Variants in EYS observed in about 807,000 individuals in gnomAD.
EYS encodes protein eyes shut homolog.
A neutral mutation model predicts 282.1 loss-of-function variants in EYS; 250 were observed. The observed-to-expected ratio is 0.89, with a 90% CI of 0.80 to 0.98. EYS has a LOEUF of 0.98. EYS is among the 50% of genes least tolerant of loss of function. EYS has a pLI of 0.00. For synonymous variants in EYS, 1,355 were observed against 1,282.9 expected, an observed-to-expected ratio of 1.06 and a Z score of -1.20; for missense variants, 4,016 against 3,709.0, an observed-to-expected ratio of 1.08 and a Z score of -2.15.
intron 23 of EYS, among the ~76,000 whole-genome samples, chr6:64,625,501 C>T (rs376070206): frequency 1.7e-4 from 26 of 152,294 alleles, no homozygotes; most frequent in Middle Eastern, 3.4e-3. Context: ...TGGCTGTGTC[C>T]TCACATTGTG....
chr6:64,772,990 C>T (rs1773569193), intron 22 of EYS, among the ~76,000 whole-genome samples: 1 of 151,632 alleles, frequency 6.6e-6, no homozygotes, highest in South Asian at 2.1e-4. Flanking sequence ...TTTTCTTTTC[C>T]ACTTTTAAAT....
chr6:65,403,666 TGAA>T (rs1766603807), intron 6 of EYS, among the ~76,000 whole-genome samples: 1 of 151,588 alleles, frequency 6.6e-6, no homozygotes, highest in Admixed American at 6.6e-5. Flanking sequence ...ATTCTTCTAA[TGAA>T]TAATAGAGAA....
At chr6:65,690,552 T>C (rs1349797907) in intron 1 of EYS, among the ~76,000 whole-genome samples, 1 of 150,262 alleles carries the variant, frequency 6.7e-6, no homozygotes, top group African/African-American at 2.4e-5. Flanking sequence ...CATCACGCGC[T>C]GTTGGCTCAT....
In EYS at chr6:63,778,056, T is replaced by G; in HGVS notation, c.7848A>C (p.Leu2616Phe). Reference protein sequence around the residue: ...VGQCHASPCSLMKCGNGGTCI... With the variant: ...VGQCHASPCSFMKCGNGGTCI... The stretch of plus-strand genomic sequence containing the variant: ...ATGTCCCACCATTGCCACATTTCAT[T>G]AAACTGCAGGGAGAAGCATGACACT... The change falls in exon 40 of 43, where the codon TTA becomes TTC. Residue 2616 changes from leucine (L) to phenylalanine (F), a missense_variant. By Grantham distance (22) the Leu-to-Phe change is conservative. Coordinates refer to ENST00000503581, the MANE Select transcript of EYS (RefSeq NM_001142800.2). 1 of 1,551,716 alleles carries G rather than the reference T, an allele frequency of 6.4e-7. No homozygotes were observed. Among genetic ancestry groups the G allele is most frequent in the Non-Finnish European group, 8.7e-7 (1 of 1,146,952 alleles).
At chr6:64,797,849 T>G (rs1333605174) in intron 22 of EYS, among the ~76,000 whole-genome samples, 1 of 152,012 alleles carries the variant, frequency 6.6e-6, no homozygotes, top group African/African-American at 2.4e-5. Flanking sequence ...AATCCACAAA[T>G]GCAAATTGTC....
rs200575235 is a variant in EYS at position 64,159,009 on chromosome 6, A to T, written c.6424+71583T>A. Among the ~76,000 whole-genome samples the T allele has an allele frequency of 2.0e-5, 3 of 151,918 alleles. No homozygotes were observed. In the East Asian group the frequency reaches 5.8e-4, roughly 30 times the overall value. On this transcript the variant is annotated intron_variant, in intron 31 of 42. Coordinates refer to ENST00000503581, the MANE Select transcript of EYS (RefSeq NM_001142800.2). The stretch of plus-strand genomic sequence containing the variant: ...TGTGTTCTTGTGTAGATGGATTTAA[A>T]ATTATCACTATAGTGAAAATGCAGT...
At chr6:64,340,629 C>A (rs919377326) in intron 29 of EYS, among the ~76,000 whole-genome samples, 1 of 151,622 alleles carries the variant, frequency 6.6e-6, no homozygotes, top group Non-Finnish European at 1.5e-5. Context: ...TAGAAGAAAA[C>A]CGTAAATATC....
chr6:65,519,648 G>C lies in EYS; in HGVS notation c.-332-23655C>G, dbSNP rs536755849. Reference sequence around the variant, plus strand: ...CTGCATTCATTGTTATAATATGCTTGGCCAGGTGACTGAGAACACTTGCAA... The same window carrying C: ...CTGCATTCATTGTTATAATATGCTTCGCCAGGTGACTGAGAACACTTGCAA... On this transcript the variant is annotated intron_variant, in intron 2 of 42. Transcript: ENST00000503581. 1.4e-3 allele frequency among the ~76,000 whole-genome samples: 180 copies of C among 133,148 alleles called. 1 individual carries two copies. Among genetic ancestry groups the C allele is most frequent in the African/African-American group, 4.7e-3 (165 of 35,052 alleles). 87.4% of individuals were successfully genotyped at this position (133,148 alleles called of 152,430 possible). A position where few individuals can be genotyped will look rare whatever the true frequency, so the allele number is the denominator to read the frequency against.
intron 14 of EYS, among the ~76,000 whole-genome samples, chr6:64,993,763 T>C (rs1260490128): frequency 1.5e-4 from 22 of 150,266 alleles, no homozygotes; most frequent in Admixed American, 7.3e-4. Context: ...AAAATTGACA[T>C]GGATTTTCAA....
chr6:65,516,588 CA>C (rs1355568902), intron 2 of EYS, among the ~76,000 whole-genome samples: 1 of 152,028 alleles, frequency 6.6e-6, no homozygotes, highest in African/African-American at 2.4e-5. Flanking sequence ...TTAAAGATGT[CA>C]GGGCAAGAGT....
chr6:65,360,992 G>A (rs767167887), intron 8 of EYS, among the ~76,000 whole-genome samples: 17 of 152,002 alleles, frequency 1.1e-4, no homozygotes, highest in Non-Finnish European at 1.9e-4. Context: ...TGTGACTGGA[G>A]TTCAAGGAAT....
At chr6:64,413,568 A>T (rs1013570832) in intron 28 of EYS, among the ~76,000 whole-genome samples, 2 of 138,454 alleles carry the variant, frequency 1.4e-5, no homozygotes, top group Admixed American at 7.3e-5. Context: ...CAAAAACCCA[A>T]AAAAAAACCT....
At chr6:64,636,796 T>G in intron 22 of EYS, among the ~76,000 whole-genome samples, 1 of 147,858 alleles carries the variant, frequency 6.8e-6, no homozygotes. Context: ...AACAGACACT[T>G]CTCAAAAGAA....
At chr6:65,298,683 C>A (rs1300817901) in intron 11 of EYS, among the ~76,000 whole-genome samples, 1 of 151,380 alleles carries the variant, frequency 6.6e-6, no homozygotes, top group Non-Finnish European at 1.5e-5. Context: ...ATTACCATTT[C>A]TATATCAACC....
At chr6:65,186,047 A>C (rs962952771) in intron 12 of EYS, among the ~76,000 whole-genome samples, 6 of 151,838 alleles carry the variant, frequency 4.0e-5, no homozygotes, top group African/African-American at 7.2e-5. Flanking sequence ...CCGAACTATA[A>C]ACACAGGTAT....
chr6:64,155,623 C>T (rs945660912), intron 31 of EYS, among the ~76,000 whole-genome samples: 2 of 151,938 alleles, frequency 1.3e-5, no homozygotes, highest in African/African-American at 2.4e-5. Context: ...GGAAGGATAC[C>T]GTGTAAACTT....
At chr6:63,762,697 T>G in intron 40 of EYS, 64 bp from the exon 41 acceptor site, 1 of 1,414,598 alleles carries the variant, frequency 7.1e-7, no homozygotes. Flanking sequence ...ATACTATGTA[T>G]TGCCCTGATG....
chr6:64,753,493 C>T (rs1014206777), intron 22 of EYS, among the ~76,000 whole-genome samples: 18 of 138,496 alleles, frequency 1.3e-4, no homozygotes, highest in Middle Eastern at 7.3e-3. Context: ...GGCTTTATAT[C>T]AAAAAACAGT....
chr6:64,517,203 A>T (rs1297770961), intron 26 of EYS, among the ~76,000 whole-genome samples: 1 of 151,792 alleles, frequency 6.6e-6, no homozygotes, highest in Non-Finnish European at 1.5e-5. Flanking sequence ...AATAATTATG[A>T]ATAGAACCTC....
Sources: gnomAD v4.1 joint callset for allele counts (sites outside exome capture counted in the v4.1 genomes callset) on GRCh38, gnomAD v4.1.1 for gene constraint, MANE v1.5 for transcripts, NCBI Gene and HGNC (gene_info 2026-07-23, HGNC 2026-07-21) for gene names.